CACNB3: variants seen among roughly 807,000 people sequenced by gnomAD.
The protein encoded by CACNB3 is voltage-dependent L-type calcium channel subunit beta-3.
Under a neutral mutation model 63.7 loss-of-function variants are expected in CACNB3, and 36 were observed. The ratio of observed to expected loss-of-function variants is 0.57; its 90% CI spans 0.43 to 0.75. The LOEUF (loss-of-function observed/expected upper bound fraction) is 0.75, where lower values mean the gene tolerates loss of function less well. Ranked by LOEUF, CACNB3 falls within the 30% of genes least tolerant of loss-of-function variation. The pLI is 0.00. For synonymous variants in CACNB3, 241 were observed against 250.6 expected (o/e 0.96, Z 0.36); for missense variants, 493 against 648.6 (o/e 0.76, Z 2.61).
rs1938172313 is a variant in CACNB3, at chr12:48,826,937, G to A, written c.991-37G>A. ...GAGATGGGTGGGGGGCTGCTACTGA[G>A]GGGAAACCAACGTTGCGCCTTCCTC... On this transcript the variant is annotated intron_variant, in intron 11 of 12. Coordinates refer to ENST00000301050, the MANE Select transcript of CACNB3 (RefSeq NM_000725.4). The surrounding 1 kb of genome is among the most constrained non-coding windows in gnomAD (Gnocchi z 4.8). 1 of 1,613,478 alleles carries A rather than the reference G, an allele frequency of 6.2e-7. No individual in the cohort carries two copies. The highest frequency in any genetic ancestry group is 8.5e-7 in the Non-Finnish European group (1 of 1,179,726).
At position 48,826,955 on chromosome 12, in the gene CACNB3, C is replaced by T. The variant is rs757906719; in HGVS notation, c.991-19C>T. The stretch of plus-strand genomic sequence containing the variant: ...CTACTGAGGGGAAACCAACGTTGCG[C>T]CTTCCTCCCCCTCCCCAGGAGTCAT... On this transcript the variant is annotated intron_variant, in intron 11 of 12. Coordinates refer to ENST00000301050, the MANE Select transcript of CACNB3 (RefSeq NM_000725.4). This position sits in a 1 kb window ranked among gnomAD's most constrained non-coding sequence, Gnocchi z 4.8. The T allele has an allele frequency of 6.2e-7, 1 of 1,613,680 alleles. No individual in the cohort carries two copies. The highest frequency in any genetic ancestry group is 8.5e-7 in the Non-Finnish European group (1 of 1,179,770).
chr12:48,827,945 G>A lies in CACNB3; in HGVS notation c.*46G>A, dbSNP rs1346268931. 3.9e-6 allele frequency: 6 copies of A among 1,531,578 alleles called. No homozygotes were observed. Among genetic ancestry groups the A allele is most frequent in the South Asian group, 1.2e-5 (1 of 85,760 alleles). 94.9% of individuals were successfully genotyped at this position (1,531,578 alleles called of 1,614,324 possible). A position where few individuals can be genotyped will look rare whatever the true frequency, so the allele number is the denominator to read the frequency against. ...CTGGCAGGCACAGGCGCAGCTGGCT[G>A]GGGGGCCCACTCCAGGCAGGGTGGC... On this transcript the variant is annotated 3_prime_UTR_variant, in exon 13 of 13. Coordinates refer to ENST00000301050, the MANE Select transcript of CACNB3 (RefSeq NM_000725.4).
In CACNB3 at chr12:48,827,599, G is replaced by T; in HGVS notation, c.1155G>T (p.Leu385=). 1 of 1,612,590 alleles carries T rather than the reference G, an allele frequency of 6.2e-7. No homozygotes were observed. Residue 385 remains leucine (L), a synonymous_variant, in exon 13 of 13, where the codon CTG becomes CTT. Transcript: ENST00000301050. The stretch of plus-strand genomic sequence containing the variant: ...ATGGCCCCCAGAACCAGCAGCTGCT[G>T]GGGGAGCGTGGCGAGGAGCACTCCC... ...AIPGLQNQQL[L]GERGEEHSPL...
chr12:48,824,172 T>C, intron 3 of CACNB3, 86 bp from the exon 4 acceptor site: 1 of 1,107,392 alleles, frequency 9.0e-7, no homozygotes, highest in East Asian at 2.6e-5. Context: ...GCTCAGTGAC[T>C]GCCTCGCTGG....
chr12:48,826,110 T>G lies in CACNB3; in HGVS notation c.743-257T>G. On this transcript the variant is annotated intron_variant, in intron 9 of 12. Coordinates refer to ENST00000301050, the MANE Select transcript of CACNB3 (RefSeq NM_000725.4). The surrounding 1 kb of genome is among the most constrained non-coding windows in gnomAD (Gnocchi z 4.8). ...TCTCAAAATGCTGGGATTACAGGCA[T>G]GAGCCACCATGCCTGGCCCCTCTTC... 3.5e-6 allele frequency: 2 copies of G among 566,402 alleles called. No homozygotes were observed. The highest frequency in any genetic ancestry group is 6.3e-6 in the Non-Finnish European group (2 of 316,616). The allele number at this position is 566,402 out of a possible 1,614,324, so 35.1% of individuals were successfully genotyped here.
chr12:48,819,514 C>T (rs774709143), intron 1 of CACNB3: 5 of 327,566 alleles, frequency 1.5e-5, no homozygotes, highest in African/African-American at 4.3e-5. Context: ...CTTCCACCCC[C>T]TCCATCTCTG....
rs1938151826 is a variant in CACNB3, at chr12:48,826,663, G to A, written c.895-96G>A. ...CTCTGAGTCATCCTCACCTGCTACTGATGCCACAAGTGGAAGAAATGCCTA... is the reference window on the plus strand; with the variant it reads ...CTCTGAGTCATCCTCACCTGCTACTAATGCCACAAGTGGAAGAAATGCCTA... On this transcript the variant is annotated intron_variant, in intron 10 of 12. Coordinates refer to ENST00000301050, the MANE Select transcript of CACNB3 (RefSeq NM_000725.4). The surrounding 1 kb of genome is among the most constrained non-coding windows in gnomAD (Gnocchi z 4.8). The A allele has an allele frequency of 1.4e-6, 2 of 1,413,510 alleles. No individual in the cohort carries two copies. Among genetic ancestry groups the A allele is most frequent in the Admixed American group, 1.7e-5 (1 of 59,150 alleles). The allele number at this position is 1,413,510 out of a possible 1,614,324, so 87.6% of individuals were successfully genotyped here. A position where few individuals can be genotyped will look rare whatever the true frequency, so the allele number is the denominator to read the frequency against.
Position 48,818,885 on chromosome 12 carries a change from G to C in CACNB3, c.-45G>C. The C allele has an allele frequency of 6.5e-7, 1 of 1,539,352 alleles. No homozygotes were observed. Among genetic ancestry groups the C allele is most frequent in the South Asian group, 1.2e-5 (1 of 82,646 alleles). Reference sequence around the variant, plus strand: ...CAGTCCTTGCCCCTGCCTCCGGGCCGCTCCCGCCCCCGGCGCCGCTCGCTC... The same window carrying C: ...CAGTCCTTGCCCCTGCCTCCGGGCCCCTCCCGCCCCCGGCGCCGCTCGCTC... On this transcript the variant is annotated 5_prime_UTR_variant, in exon 1 of 13. Coordinates refer to ENST00000301050, the MANE Select transcript of CACNB3 (RefSeq NM_000725.4). The surrounding 1 kb of genome is among the most constrained non-coding windows in gnomAD (Gnocchi z 4.3).
In CACNB3 at chr12:48,826,260, C is replaced by T. The variant is rs1011558769; in HGVS notation, c.743-107C>T. 1 of 1,163,174 alleles carries T rather than the reference C, an allele frequency of 8.6e-7. No individual in the cohort carries two copies. The highest frequency in any genetic ancestry group is 1.5e-5 in the African/African-American group (1 of 65,670). 72.1% of individuals were successfully genotyped at this position (1,163,174 alleles called of 1,614,324 possible). ...GCCTGTCCAGGCTTCGATGAATGCCCTTTTCCTCCAATTCCTTCCTGTCCA... is the reference window on the plus strand; with the variant it reads ...GCCTGTCCAGGCTTCGATGAATGCCTTTTTCCTCCAATTCCTTCCTGTCCA... On this transcript the variant is annotated intron_variant, in intron 9 of 12. Transcript: ENST00000301050. The surrounding 1 kb of genome is among the most constrained non-coding windows in gnomAD (Gnocchi z 4.8).
At chr12:48,820,005 G>T (rs533012821) in intron 1 of CACNB3, 18 of 213,980 alleles carry the variant, frequency 8.4e-5, no homozygotes, top group African/African-American at 4.1e-4. Flanking sequence ...ATAGGTTGGA[G>T]CACCCCTGGG....
intron 3 of CACNB3, chr12:48,824,028 T>C: frequency 1.5e-6 from 1 of 671,178 alleles, no homozygotes; most frequent in Non-Finnish European, 2.5e-6. Flanking sequence ...AAGTGAGCAG[T>C]TAGATTAGCT....
At chr12:48,822,376 T>A (rs1937895216) in intron 1 of CACNB3, among the ~76,000 whole-genome samples, 1 of 152,156 alleles carries the variant, frequency 6.6e-6, no homozygotes, top group Admixed American at 6.6e-5. Flanking sequence ...CTGAACTCTG[T>A]GACCGTCAAA....
Position 48,828,416 on chromosome 12 carries a change from C to T in CACNB3, c.*517C>T, listed in dbSNP as rs1212772748. ...AGAAATGAGACAATCAAAGCCCCCC[C>T]AGGGTGGCACACCCATCTGTTTGCT... On this transcript the variant is annotated 3_prime_UTR_variant, in exon 13 of 13. Transcript: ENST00000301050. 3.0e-6 allele frequency: 1 copy of T among 335,286 alleles called. No individual in the cohort carries two copies. The highest frequency in any genetic ancestry group is 2.2e-5 in the African/African-American group (1 of 46,496). The allele number at this position is 335,286 out of a possible 1,614,324, so 20.8% of individuals were successfully genotyped here.
chr12:48,824,601 A>C, intron 4 of CACNB3, 68 bp from the exon 5 acceptor site: 1 of 1,396,018 alleles, frequency 7.2e-7, no homozygotes, highest in Non-Finnish European at 1.0e-6. Flanking sequence ...TTATTAAATA[A>C]TGCATAGAAC....
In CACNB3 at chr12:48,818,508, C is replaced by T; in HGVS notation, c.-422C>T. 4 of 1,004,724 alleles carry T rather than the reference C, an allele frequency of 4.0e-6. No homozygotes were observed. The highest frequency in any genetic ancestry group is 3.6e-6 in the Non-Finnish European group (3 of 843,102). The allele number at this position is 1,004,724 out of a possible 1,614,324, so 62.2% of individuals were successfully genotyped here. The stretch of plus-strand genomic sequence containing the variant: ...CGCAGCCTCTCCTCCCCTTCCTCCC[C>T]GCCGCCACGGCCCCGTAGGTGCTCG... On this transcript the variant is annotated 5_prime_UTR_variant, in exon 1 of 13. Transcript: ENST00000301050. The surrounding 1 kb of genome is among the most constrained non-coding windows in gnomAD (Gnocchi z 4.3).
chr12:48,814,494 C>T (rs1197345873), upstream of CACNB3: 3 of 1,530,258 alleles, frequency 2.0e-6, no homozygotes, highest in East Asian at 5.0e-5. The surrounding 1 kb of genome is among the most constrained non-coding windows in gnomAD (Gnocchi z 6.9). Flanking sequence ...TCCCTGCTGC[C>T]CAGTCCCGGC....
At position 48,825,721 on chromosome 12, in the gene CACNB3, C is replaced by G; in HGVS notation, c.694C>G (p.Pro232Ala). The change falls in exon 9 of 13, where the codon CCG (proline) becomes GCG (alanine). Residue 232 changes from proline (P) to alanine (A), a missense_variant. Pro to Ala is a conservative substitution (Grantham distance 27). Coordinates refer to ENST00000301050, the MANE Select transcript of CACNB3 (RefSeq NM_000725.4). The surrounding 1 kb of genome is among the most constrained non-coding windows in gnomAD (Gnocchi z 4.5). The stretch of plus-strand genomic sequence containing the variant: ...GGCAAAGCGATCTGTGCTCAACAAT[C>G]CGGGCAAGAGGACCATCATTGAGCG... Reference protein sequence around the residue: ...SLAKRSVLNNPGKRTIIERSS... With the variant: ...SLAKRSVLNNAGKRTIIERSS... The G allele has an allele frequency of 1.2e-6, 2 of 1,614,238 alleles. No homozygotes were observed. Among genetic ancestry groups the G allele is most frequent in the Non-Finnish European group, 1.7e-6 (2 of 1,180,048 alleles).
In CACNB3 at chr12:48,826,693, T is replaced by A; in HGVS notation, c.895-66T>A. 1 of 1,476,188 alleles carries A rather than the reference T, an allele frequency of 6.8e-7. No homozygotes were observed. The highest frequency in any genetic ancestry group is 9.5e-7 in the Non-Finnish European group (1 of 1,055,874). 91.4% of individuals were successfully genotyped at this position (1,476,188 alleles called of 1,614,324 possible). A position where few individuals can be genotyped will look rare whatever the true frequency, so the allele number is the denominator to read the frequency against. ...CACAAGTGGAAGAAATGCCTAGCTC[T>A]GCCCGGGCTCAGCTCTGCCCAGAGT... is the stretch of plus-strand genomic sequence containing the variant. On this transcript the variant is annotated intron_variant, in intron 10 of 12. Transcript: ENST00000301050. This position sits in a 1 kb window ranked among gnomAD's most constrained non-coding sequence, Gnocchi z 4.8.
upstream of CACNB3, chr12:48,817,228 G>C (rs946167115): frequency 6.5e-6 from 1 of 153,774 alleles, no homozygotes; most frequent in Non-Finnish European, 1.4e-5. Context: ...GCTCTTCTTT[G>C]TCTTGCCAAG....
Sources: allele counts gnomAD v4.1 joint callset (sites outside exome capture counted in the v4.1 genomes callset), GRCh38; gene constraint gnomAD v4.1.1; non-coding constraint Gnocchi (gnomAD v3.1); transcripts MANE v1.5; gene names NCBI Gene and HGNC (gene_info 2026-07-23, HGNC 2026-07-21).